Variants in SGCZ observed in about 807,000 individuals in gnomAD.
SGCZ encodes sarcoglycan zeta, also known as zeta-sarcoglycan.
A neutral mutation model predicts 41.3 loss-of-function variants in SGCZ; 40 were observed. That is an observed-to-expected ratio of 0.97 (90% CI 0.75 to 1.26). The LOEUF is 1.26. Among genes scored for constraint, SGCZ ranks in the 50% most tolerant of loss-of-function variants. The probability of loss-of-function intolerance (pLI) is 0.00; values close to 1 mark genes in which losing one functional copy is unlikely to be tolerated. For synonymous variants in SGCZ, 206 were observed against 137.5 expected (o/e 1.50, Z -3.49); for missense variants, 552 against 369.8 (o/e 1.49, Z -4.04).
chr8:14,639,998 T>C (rs1458696962), intron 1 of SGCZ, among the ~76,000 whole-genome samples: 2 of 151,694 alleles, frequency 1.3e-5, no homozygotes, highest in South Asian at 2.1e-4. Context: ...TTGTCATCAA[T>C]CACATTAAGA....
At chr8:14,566,472 T>C (rs1248412966) in intron 1 of SGCZ, among the ~76,000 whole-genome samples, 3 of 152,138 alleles carry the variant, frequency 2.0e-5, no homozygotes, top group Non-Finnish European at 2.9e-5. Context: ...CGGATCTCAG[T>C]AGAGACCATA....
chr8:14,996,183 A>G (rs544371968), intron 1 of SGCZ, among the ~76,000 whole-genome samples: 4 of 152,260 alleles, frequency 2.6e-5, no homozygotes, highest in Admixed American at 6.5e-5. Flanking sequence ...GATTACAGGC[A>G]TGAGCCACTA....
intron 1 of SGCZ, among the ~76,000 whole-genome samples, chr8:15,169,659 G>C (rs2117059718): frequency 6.6e-6 from 1 of 152,230 alleles, no homozygotes; most frequent in African/African-American, 2.4e-5. Flanking sequence ...TTGAAGTCTG[G>C]GATCAGCTTT....
At chr8:14,992,008 C>T (rs116064831) in intron 1 of SGCZ, among the ~76,000 whole-genome samples, 1 of 149,908 alleles carries the variant, frequency 6.7e-6, no homozygotes, top group Non-Finnish European at 1.5e-5. Flanking sequence ...TTACCCCTCA[C>T]CCATCCTCCT....
At chr8:14,402,230 T>G (rs543171025) in intron 2 of SGCZ, among the ~76,000 whole-genome samples, 11 of 151,564 alleles carry the variant, frequency 7.3e-5, no homozygotes, top group African/African-American at 2.7e-4. Flanking sequence ...TTCTCCCATT[T>G]TGTAGGTTGC....
chr8:14,856,063 T>C (rs761772731), intron 1 of SGCZ, among the ~76,000 whole-genome samples: 53 of 152,346 alleles, frequency 3.5e-4, no homozygotes, highest in Non-Finnish European at 5.3e-4. Context: ...CTATGACTAA[T>C]ACATTGTAAA....
At chr8:14,438,075 T>C (rs1800143398) in intron 2 of SGCZ, among the ~76,000 whole-genome samples, 1 of 151,870 alleles carries the variant, frequency 6.6e-6, no homozygotes, top group East Asian at 1.9e-4. Flanking sequence ...ATCTTTCCTA[T>C]CATATAATTG....
chr8:14,230,050 G>A (rs1459530854), intron 4 of SGCZ, among the ~76,000 whole-genome samples: 1 of 151,990 alleles, frequency 6.6e-6, no homozygotes, highest in Admixed American at 6.6e-5. Context: ...TTAAATTTTT[G>A]CACAAAATAC....
intron 3 of SGCZ, among the ~76,000 whole-genome samples, chr8:14,274,305 C>A (rs747350215): frequency 6.6e-6 from 1 of 152,152 alleles, no homozygotes; most frequent in Non-Finnish European, 1.5e-5. Context: ...GTGAATCCAA[C>A]ATCTGACAAT....
chr8:14,436,045 T>G (rs75461740), intron 2 of SGCZ, among the ~76,000 whole-genome samples: 188 of 152,338 alleles, frequency 1.2e-3, no homozygotes, highest in African/African-American at 4.4e-3. Flanking sequence ...CTCCTAACCC[T>G]GACCTATAGC....
intron 1 of SGCZ, among the ~76,000 whole-genome samples, chr8:14,967,547 G>A (rs1801161236): frequency 6.6e-6 from 1 of 152,084 alleles, no homozygotes; most frequent in African/African-American, 2.4e-5. Flanking sequence ...TTGACATCAA[G>A]TTTTCTATCC....
At chr8:14,980,930 A>T (rs138915820) in intron 1 of SGCZ, among the ~76,000 whole-genome samples, 20 of 152,040 alleles carry the variant, frequency 1.3e-4, no homozygotes, top group Non-Finnish European at 2.5e-4. Flanking sequence ...TCTCAATTCT[A>T]CCACCTACTC....
chr8:14,417,216 G>A (rs147356601), intron 2 of SGCZ, among the ~76,000 whole-genome samples: 2 of 151,894 alleles, frequency 1.3e-5, no homozygotes, highest in African/African-American at 4.8e-5. Flanking sequence ...TGACCTAAGC[G>A]ATCTTCAACT....
rs1005705290 is a variant in SGCZ at position 15,238,380 on chromosome 8, G to T, written c.-757C>A. ...TTCCTCCTGCTTCGCTGTTTTACTG[G>T]CCTTCACCACCAGGTGACTGACTTC... is the stretch of plus-strand genomic sequence containing the variant. On this transcript the variant is annotated 5_prime_UTR_variant, in exon 1 of 8. Coordinates refer to ENST00000382080, the MANE Select transcript of SGCZ (RefSeq NM_139167.4). The T allele has an allele frequency of 6.6e-6, 1 of 152,226 alleles. No individual in the cohort carries two copies. The highest frequency in any genetic ancestry group is 2.4e-5 in the African/African-American group (1 of 41,452). The allele number at this position is 152,226 out of a possible 1,614,324, so 9.4% of individuals were successfully genotyped here. A position where few individuals can be genotyped will look rare whatever the true frequency, so the allele number is the denominator to read the frequency against.
intron 4 of SGCZ, among the ~76,000 whole-genome samples, chr8:14,217,083 A>C (rs4571734): frequency 0.99 from 151,393 of 152,198 alleles, 75,302 homozygotes; most frequent in East Asian, 1. Context: ...GTCAGGGGAT[A>C]GAGACCATCC....
At chr8:15,033,654 G>T (rs968012045) in intron 1 of SGCZ, among the ~76,000 whole-genome samples, 1 of 152,044 alleles carries the variant, frequency 6.6e-6, no homozygotes, top group East Asian at 1.9e-4. Context: ...AGCTCCAGAC[G>T]CATCCCAGTG....
chr8:15,054,253 CA>C (rs1345062347), intron 1 of SGCZ, among the ~76,000 whole-genome samples: 1 of 152,142 alleles, frequency 6.6e-6, no homozygotes, highest in African/African-American at 2.4e-5. Context: ...AATAGTCACC[CA>C]CATTGATTTA....
chr8:14,422,571 A>T (rs527795447), intron 2 of SGCZ, among the ~76,000 whole-genome samples: 38 of 152,336 alleles, frequency 2.5e-4, no homozygotes, highest in South Asian at 8.3e-4. Flanking sequence ...ATTTATGTGG[A>T]GCGACTTTTC....
intron 2 of SGCZ, chr8:14,332,734 T>C (rs1585374557): frequency 2.0e-5 from 3 of 151,776 alleles, no homozygotes; most frequent in South Asian, 4.1e-4. Flanking sequence ...ACTTGATATA[T>C]AAATGGTAAA....
Sources: allele counts gnomAD v4.1 joint callset (sites outside exome capture counted in the v4.1 genomes callset), GRCh38; gene constraint gnomAD v4.1.1; transcripts MANE v1.5; gene names NCBI Gene and HGNC (gene_info 2026-07-23, HGNC 2026-07-21).